EYA2: variants seen among roughly 807,000 people sequenced by gnomAD.
EYA2 encodes protein phosphatase EYA2.
Under a neutral mutation model 69.2 loss-of-function variants are expected in EYA2, and 31 were observed. That is an observed-to-expected ratio of 0.45 (90% CI 0.34 to 0.60). The LOEUF is 0.60. Among genes scored for constraint, EYA2 ranks in the 20% least tolerant of loss-of-function variants. The probability of loss-of-function intolerance (pLI) is 0.02; values close to 1 mark genes in which losing one functional copy is unlikely to be tolerated. For missense variants in EYA2, 622 were observed against 701.2 expected, an observed-to-expected ratio of 0.89 and a Z score of 1.28; for synonymous variants, 257 against 279.4, an observed-to-expected ratio of 0.92 and a Z score of 0.80.
chr20:47,101,923 C>T (rs535844021), intron 9 of EYA2, among the ~76,000 whole-genome samples: 2 of 152,358 alleles, frequency 1.3e-5, no homozygotes, highest in African/African-American at 4.8e-5. Context: ...CTCTGTACTT[C>T]CCCAGCACTG....
intron 7 of EYA2, among the ~76,000 whole-genome samples, chr20:47,074,725 G>A (rs899264336): frequency 3.9e-5 from 6 of 152,156 alleles, no homozygotes; most frequent in Non-Finnish European, 8.8e-5. Context: ...TTTTTAGAAA[G>A]GACACACCCA....
rs544119110 is a variant in EYA2 at position 46,908,643 on chromosome 20, A to G, written c.-11+13656A>G. ...AAGAATTAGTGGAGTAGGTATGCTA[A>G]TAGCAGGGACTCCACCCGGTGCCAT... On this transcript the variant is annotated intron_variant, in intron 1 of 15. Coordinates refer to ENST00000327619, the MANE Select transcript of EYA2 (RefSeq NM_005244.5). 8.5e-5 allele frequency among the ~76,000 whole-genome samples: 13 copies of G among 152,324 alleles called. 1 individual carries two copies. In the South Asian group the frequency reaches 2.5e-3, roughly 29 times the overall value.
At chr20:46,944,872 G>A (rs57856297) in intron 1 of EYA2, among the ~76,000 whole-genome samples, 93 of 152,310 alleles carry the variant, frequency 6.1e-4, no homozygotes, top group African/African-American at 2.2e-3. Context: ...GTGAGGCCGA[G>A]GCGGGCGGAT....
intron 10 of EYA2, among the ~76,000 whole-genome samples, chr20:47,153,411 C>T (rs1105404): frequency 0.017 from 2,584 of 151,526 alleles, 78 homozygotes; most frequent in African/African-American, 0.059. Context: ...GAGGCTGAGG[C>T]GGGAGGATCA....
In EYA2 at chr20:47,138,157, TA is replaced by T. The variant is rs201474537; in HGVS notation, c.889-4890del. Among the ~76,000 whole-genome samples, 660 of 144,324 alleles carry T rather than the reference TA, an allele frequency of 4.6e-3. 4 individuals are homozygous for T. The highest frequency in any genetic ancestry group is 0.012 in the African/African-American group (473 of 39,758). The allele number at this position is 144,324 out of a possible 152,430, so 94.7% of individuals were successfully genotyped here. A position where few individuals can be genotyped will look rare whatever the true frequency, so the allele number is the denominator to read the frequency against. On this transcript the variant is annotated intron_variant, in intron 9 of 15. Transcript: ENST00000327619. ...AGTATAATAATAATAAACTAAAAAT[TA>T]AAAAAAAAAAAGTGTTCTGACCCAG...
chr20:47,044,241 G>T (rs1392540563), intron 5 of EYA2, among the ~76,000 whole-genome samples: 6 of 152,152 alleles, frequency 3.9e-5, no homozygotes, highest in Non-Finnish European at 7.3e-5. Flanking sequence ...TTCTAGCGGG[G>T]CTGCTTTCCA....
intron 1 of EYA2, among the ~76,000 whole-genome samples, chr20:46,896,144 G>T (rs1983801311): frequency 6.6e-6 from 1 of 152,170 alleles, no homozygotes; most frequent in South Asian, 2.1e-4. Context: ...CTGTTAGCGA[G>T]GGCGGAGGGG....
At chr20:47,159,440 C>G in intron 10 of EYA2, among the ~76,000 whole-genome samples, 1 of 151,984 alleles carries the variant, frequency 6.6e-6, no homozygotes, top group African/African-American at 2.4e-5. Context: ...GAAACTGTCA[C>G]AAACCAGAGA....
chr20:47,032,637 T>C (rs990974329), intron 5 of EYA2, among the ~76,000 whole-genome samples: 5 of 152,230 alleles, frequency 3.3e-5, no homozygotes, highest in Admixed American at 3.3e-4. Flanking sequence ...AGTCTCTTGT[T>C]TGGCCTCTGC....
chr20:47,091,720 G>A (rs1294482983), intron 8 of EYA2, among the ~76,000 whole-genome samples: 1 of 152,092 alleles, frequency 6.6e-6, no homozygotes, highest in Non-Finnish European at 1.5e-5. Flanking sequence ...ACTCCAGCCT[G>A]GGCGACAAAT....
intron 11 of EYA2, among the ~76,000 whole-genome samples, chr20:47,169,955 G>C (rs2034285311): frequency 1.3e-5 from 2 of 151,930 alleles, no homozygotes; most frequent in African/African-American, 4.8e-5. Context: ...ACCCAGGCTG[G>C]AGTGCAATGG....
intron 10 of EYA2, among the ~76,000 whole-genome samples, chr20:47,148,406 G>T (rs867816663): frequency 1.9e-4 from 29 of 152,196 alleles, no homozygotes; most frequent in African/African-American, 7.0e-4. Flanking sequence ...TGTCCCTGGG[G>T]ATAGGCAAGT....
At chr20:47,022,335 A>G (rs1207706557) in intron 5 of EYA2, among the ~76,000 whole-genome samples, 1 of 152,136 alleles carries the variant, frequency 6.6e-6, no homozygotes, top group Non-Finnish European at 1.5e-5. Flanking sequence ...TCTTGTTGAG[A>G]TGGAGTCTCA....
intron 1 of EYA2, among the ~76,000 whole-genome samples, chr20:46,985,262 G>A (rs1192461544): frequency 6.6e-6 from 1 of 152,104 alleles, no homozygotes; most frequent in Non-Finnish European, 1.5e-5. Flanking sequence ...ATGCTAACTG[G>A]ATGATGGAAT....
chr20:47,184,135 C>A lies in EYA2; in HGVS notation c.1536+744C>A, dbSNP rs111837832. The stretch of plus-strand genomic sequence containing the variant: ...AAGGCTTTGCAGGCACTGTTCCCTC[C>A]ACCTGGAAGGCTCCTCCCCTTTCCT... On this transcript the variant is annotated intron_variant, in intron 15 of 15. Transcript: ENST00000327619. Among the ~76,000 whole-genome samples the A allele has an allele frequency of 9.1e-4, 139 of 152,284 alleles. 1 individual carries two copies. The highest frequency in any genetic ancestry group is 3.3e-3 in the African/African-American group (137 of 41,556).
At chr20:47,097,038 G>A (rs1398898860) in intron 8 of EYA2, 47 bp from the exon 9 acceptor site, 13 of 1,353,672 alleles carry the variant, frequency 9.6e-6, no homozygotes, top group Non-Finnish European at 1.4e-5. Context: ...TAAGTCAGAT[G>A]CACGTGAGTC....
Position 46,894,969 on chromosome 20 carries a change from G to A in EYA2, c.-29G>A, listed in dbSNP as rs550561620. Reference sequence around the variant, plus strand: ...CCGCCCGCCCGCACCGCGTCGGGGCGCCCTCTCCACTGCGCGCGGTGAGTA... The same window carrying A: ...CCGCCCGCCCGCACCGCGTCGGGGCACCCTCTCCACTGCGCGCGGTGAGTA... On this transcript the variant is annotated 5_prime_UTR_variant, in exon 1 of 16. Coordinates refer to ENST00000327619, the MANE Select transcript of EYA2 (RefSeq NM_005244.5). 11 of 151,624 alleles carry A rather than the reference G, an allele frequency of 7.3e-5. No individual in the cohort carries two copies. Among genetic ancestry groups the A allele is most frequent in the African/African-American group, 2.7e-4 (11 of 41,452 alleles). The allele number at this position is 151,624 out of a possible 1,614,324, so 9.4% of individuals were successfully genotyped here. A position where few individuals can be genotyped will look rare whatever the true frequency, so the allele number is the denominator to read the frequency against.
chr20:46,975,084 G>A (rs1980379452), intron 1 of EYA2, among the ~76,000 whole-genome samples: 1 of 139,102 alleles, frequency 7.2e-6, no homozygotes, highest in African/African-American at 2.6e-5. Flanking sequence ...GGAGTTAAGG[G>A]TTTTGGGTCG....
At position 47,157,335 on chromosome 20, in the gene EYA2, C is replaced by T. The variant is rs563739500; in HGVS notation, c.979-11804C>T. ...CACAACTGCACTCCAGCCTTGGTGA[C>T]AGAGCAAGACTCCGTCTCAAAAAAA... On this transcript the variant is annotated intron_variant, in intron 10 of 15. Coordinates refer to ENST00000327619, the MANE Select transcript of EYA2 (RefSeq NM_005244.5). Among the ~76,000 whole-genome samples the T allele has an allele frequency of 4.5e-5, 5 of 111,114 alleles. No homozygotes were observed. In the Admixed American group the frequency reaches 7.0e-4, roughly 16 times the overall value. 72.9% of individuals were successfully genotyped at this position (111,114 alleles called of 152,430 possible).
Sources: gnomAD v4.1 joint callset for allele counts (sites outside exome capture counted in the v4.1 genomes callset) on GRCh38, gnomAD v4.1.1 for gene constraint, MANE v1.5 for transcripts, NCBI Gene and HGNC (gene_info 2026-07-23, HGNC 2026-07-21) for gene names.